ABCC5: variants seen among roughly 807,000 people sequenced by gnomAD.
ABCC5 encodes ATP-binding cassette sub-family C member 5.
ABCC5 carries 61 observed loss-of-function variants against 160.9 expected under a neutral mutation model. That is an observed-to-expected ratio of 0.38 (90% CI 0.31 to 0.47). The LOEUF is 0.47. ABCC5 is among the 20% of genes least tolerant of loss of function. The pLI is 0.99. For synonymous variants in ABCC5, 666 were observed against 700.6 expected, an observed-to-expected ratio of 0.95 and a Z score of 0.78; for missense variants, 1,308 against 1,813.3, an observed-to-expected ratio of 0.72 and a Z score of 5.06.
At chr3:184,007,016 C>CA (rs1553789770) in intron 2 of ABCC5, among the ~76,000 whole-genome samples, 3 of 81,138 alleles carry the variant, frequency 3.7e-5, no homozygotes, top group African/African-American at 1.6e-4. Context: ...TTTACTTCTG[C>CA]TTTTTTTTTT....
At chr3:183,991,616 G>C (rs528673850) in intron 2 of ABCC5, among the ~76,000 whole-genome samples, 1 of 152,308 alleles carries the variant, frequency 6.6e-6, no homozygotes, top group Non-Finnish European at 1.5e-5. Flanking sequence ...GCCCTGCAAA[G>C]CACACTCCTT....
At position 183,988,252 on chromosome 3, in the gene ABCC5, G is replaced by A. The variant is rs545603854; in HGVS notation, c.443+320C>T. ...TTTCTGAAGGTTCCTGTGGTAAAAT[G>A]TAAAGTTGTAAACTACATTTTAATC... On this transcript the variant is annotated intron_variant, in intron 4 of 29. Transcript: ENST00000334444. This position sits in a 1 kb window ranked among gnomAD's most constrained non-coding sequence, Gnocchi z 4.4. Among the ~76,000 whole-genome samples the A allele has an allele frequency of 1.3e-5, 2 of 152,268 alleles. No individual in the cohort carries two copies. Among genetic ancestry groups the A allele is most frequent in the African/African-American group, 2.4e-5 (1 of 41,552 alleles).
rs532072431 is a variant in ABCC5, at chr3:183,921,467, C to T, written c.4213-66G>A. ...CATGCAGGGTGATTCAGAGGATCCACGGCTCAGTAAGTGCCAGTGCCCTCT... is the reference window on the plus strand; with the variant it reads ...CATGCAGGGTGATTCAGAGGATCCATGGCTCAGTAAGTGCCAGTGCCCTCT... On this transcript the variant is annotated intron_variant, in intron 29 of 29. Transcript: ENST00000334444. This position sits in a 1 kb window ranked among gnomAD's most constrained non-coding sequence, Gnocchi z 4.1. The T allele has an allele frequency of 1.0e-4, 154 of 1,485,454 alleles. No individual in the cohort carries two copies. Among genetic ancestry groups the T allele is most frequent in the Non-Finnish European group, 1.3e-4 (138 of 1,099,318 alleles). 92.0% of individuals were successfully genotyped at this position (1,485,454 alleles called of 1,614,324 possible).
At position 183,951,348 on chromosome 3, in the gene ABCC5, C is replaced by T. The variant is rs951496943; in HGVS notation, c.2944+93G>A. The T allele has an allele frequency of 9.3e-6, 14 of 1,512,916 alleles. No homozygotes were observed. The highest frequency in any genetic ancestry group is 2.0e-5 in the Admixed American group (1 of 50,298). 93.7% of individuals were successfully genotyped at this position (1,512,916 alleles called of 1,614,324 possible). ...GCAGTCACTGTGCTCTCAGGATCTA[C>T]AGACAGACAGATCTGCACATTTGGA... On this transcript the variant is annotated intron_variant, in intron 20 of 29. Transcript: ENST00000334444. This position sits in a 1 kb window ranked among gnomAD's most constrained non-coding sequence, Gnocchi z 4.7.
intron 9 of ABCC5, among the ~76,000 whole-genome samples, chr3:183,978,088 A>G (rs1037780366): frequency 2.6e-5 from 4 of 152,144 alleles, no homozygotes; most frequent in African/African-American, 9.7e-5. Context: ...GAGACCTTCA[A>G]TTAAAATTGT....
At chr3:184,014,469 G>T in intron 1 of ABCC5, 22 bp from the exon 2 acceptor site, 2 of 1,390,932 alleles carry the variant, frequency 1.4e-6, no homozygotes, top group Non-Finnish European at 9.4e-7. Context: ...AATTCATCAA[G>T]AAATAGATTA....
At chr3:183,925,454 T>G (rs1189553355) in intron 29 of ABCC5, 101 bp downstream of exon 29, 8 of 1,267,270 alleles carry the variant, frequency 6.3e-6, no homozygotes, top group Non-Finnish European at 8.7e-6. Context: ...AGTGCTTATC[T>G]GAATGCCCAG....
intron 5 of ABCC5, chr3:183,985,308 A>T: frequency 1.2e-6 from 2 of 1,613,566 alleles, no homozygotes; most frequent in Non-Finnish European, 1.7e-6. Context: ...CCTTACCTGA[A>T]CTCTTGGCGA....
chr3:183,983,826 T>C (rs1433208524), intron 5 of ABCC5: 5 of 985,258 alleles, frequency 5.1e-6, no homozygotes, highest in Non-Finnish European at 6.0e-6. Flanking sequence ...TCACAAACAC[T>C]GTACAGCAGG....
At chr3:183,927,849 C>T in intron 27 of ABCC5, 1 of 981,454 alleles carries the variant, frequency 1.0e-6, no homozygotes, top group Non-Finnish European at 1.2e-6. Context: ...AGCTGCAGAA[C>T]TTATTCTTCA....
intron 10 of ABCC5, among the ~76,000 whole-genome samples, chr3:183,973,435 A>C (rs924039050): frequency 3.3e-5 from 5 of 152,124 alleles, no homozygotes; most frequent in Non-Finnish European, 7.3e-5. Flanking sequence ...ATCTTAATTT[A>C]AAAAAATTTT....
intron 10 of ABCC5, among the ~76,000 whole-genome samples, chr3:183,974,562 C>T (rs1411231000): frequency 1.3e-5 from 2 of 152,204 alleles, no homozygotes; most frequent in Admixed American, 6.5e-5. Context: ...ACCTGCTCAG[C>T]CTCCCAAAGT....
At chr3:183,981,073 G>C (rs762104450) in intron 8 of ABCC5, among the ~76,000 whole-genome samples, 5 of 152,132 alleles carry the variant, frequency 3.3e-5, no homozygotes, top group Non-Finnish European at 4.4e-5. Flanking sequence ...ACTGGACTCA[G>C]CTCCTGATGA....
intron 25 of ABCC5, among the ~76,000 whole-genome samples, chr3:183,939,319 G>C (rs1714062646): frequency 6.6e-6 from 1 of 152,158 alleles, no homozygotes; most frequent in Non-Finnish European, 1.5e-5. Context: ...TGTAATCCCA[G>C]GTACTTGGGA....
At position 183,937,818 on chromosome 3, in the gene ABCC5, G is replaced by A. The variant is rs570935655; in HGVS notation, c.3854+83C>T. 6 of 1,462,246 alleles carry A rather than the reference G, an allele frequency of 4.1e-6. No homozygotes were observed. The East Asian group carries it at 1.4e-4, about 33-fold the overall frequency. The allele number at this position is 1,462,246 out of a possible 1,614,324, so 90.6% of individuals were successfully genotyped here. ...GAGATGGTGAGCTCATGGTCCCAGGGGGCGGTGCTAGCATCATGTGGTCCC... is the reference window on the plus strand; with the variant it reads ...GAGATGGTGAGCTCATGGTCCCAGGAGGCGGTGCTAGCATCATGTGGTCCC... On this transcript the variant is annotated intron_variant, in intron 26 of 29. Transcript: ENST00000334444.
chr3:183,982,696 G>A lies in ABCC5; in HGVS notation c.826-72C>T, dbSNP rs985747485. 1.9e-6 allele frequency: 3 copies of A among 1,607,934 alleles called. No homozygotes were observed. The African/African-American group carries it at 4.0e-5, about 22-fold the overall frequency. On this transcript the variant is annotated intron_variant, in intron 6 of 29. Transcript: ENST00000334444. The surrounding 1 kb of genome is among the most constrained non-coding windows in gnomAD (Gnocchi z 5.2). ...CATTTGTCTCAGGAGGAAGATAAAG[G>A]ATAAGGCAGGGCCCTAGAGGAATGA... is the stretch of plus-strand genomic sequence containing the variant.
chr3:183,946,027 T>C (rs2108788447), intron 23 of ABCC5, 88 bp from the exon 24 acceptor site: 2 of 1,203,772 alleles, frequency 1.7e-6, no homozygotes, highest in Non-Finnish European at 2.5e-6. Flanking sequence ...TCTAGAGGAC[T>C]ACTAAGAACT....
At position 183,953,154 on chromosome 3, in the gene ABCC5, T is replaced by G; in HGVS notation, c.2599A>C (p.Met867Leu). The G allele has an allele frequency of 6.2e-7, 1 of 1,614,076 alleles. No individual in the cohort carries two copies. The highest frequency in any genetic ancestry group is 8.5e-7 in the Non-Finnish European group (1 of 1,180,012). The change falls in exon 18 of 30, where the codon ATG becomes CTG. Residue 867 changes from methionine (M) to leucine (L), a missense_variant. By Grantham distance (15) the Met-to-Leu change is conservative (BLOSUM62 2). Coordinates refer to ENST00000334444, the MANE Select transcript of ABCC5 (RefSeq NM_005688.4). ...LAFLVIMALFMLNVGSTAFST... is the reference protein window; with the variant it reads ...LAFLVIMALFLLNVGSTAFST... Reference sequence around the variant, plus strand: ...AAGGCGGTGCTGCCTACATTCAGCATGAAAAGGGCCATAATAACCAGGAAT... The same window carrying G: ...AAGGCGGTGCTGCCTACATTCAGCAGGAAAAGGGCCATAATAACCAGGAAT...
At position 183,957,991 on chromosome 3, in the gene ABCC5, CGGTT is replaced by C. The variant is rs1716353411; in HGVS notation, c.2482+1738_2482+1741del. ...ATGCGGATCCGTGTGTACATCACAT[CGGTT>C]ACATGCAGATCCGTGTGTACATCAC... On this transcript the variant is annotated intron_variant, in intron 17 of 29. Coordinates refer to ENST00000334444, the MANE Select transcript of ABCC5 (RefSeq NM_005688.4). 2.9e-5 allele frequency among the ~76,000 whole-genome samples: 3 copies of C among 105,194 alleles called. 1 individual carries two copies. Among genetic ancestry groups the C allele is most frequent in the African/African-American group, 1.0e-4 (3 of 29,932 alleles). 69.0% of individuals were successfully genotyped at this position (105,194 alleles called of 152,430 possible). A position where few individuals can be genotyped will look rare whatever the true frequency, so the allele number is the denominator to read the frequency against.
Sources: gnomAD v4.1 joint callset for allele counts (sites outside exome capture counted in the v4.1 genomes callset) on GRCh38, gnomAD v4.1.1 for gene constraint, Gnocchi (gnomAD v3.1) non-coding constraint, MANE v1.5 for transcripts, NCBI Gene and HGNC (gene_info 2026-07-23, HGNC 2026-07-21) for gene names.